PPP1R12B: variants seen among roughly 807,000 people sequenced by gnomAD.
The protein encoded by PPP1R12B is myosin phosphatase target subunit 2.
Under a neutral mutation model 126.1 loss-of-function variants are expected in PPP1R12B, and 76 were observed. The ratio of observed to expected loss-of-function variants is 0.60; its 90% CI spans 0.50 to 0.73. PPP1R12B has a LOEUF of 0.73. Among genes scored for constraint, PPP1R12B ranks in the 30% least tolerant of loss-of-function variants. PPP1R12B has a pLI of 0.00. For synonymous variants in PPP1R12B, 356 were observed against 434.7 expected (o/e 0.82, Z 2.25); for missense variants, 1,052 against 1,205.1 (o/e 0.87, Z 1.88).
At chr1:202,359,536 C>A (rs1250952312) in intron 1 of PPP1R12B, among the ~76,000 whole-genome samples, 2 of 151,704 alleles carry the variant, frequency 1.3e-5, no homozygotes, top group Non-Finnish European at 2.9e-5. Context: ...AATCCTAGCA[C>A]TGGGAGGCCA....
chr1:202,582,085 T>A lies in PPP1R12B; in HGVS notation c.*1525T>A. On this transcript the variant is annotated 3_prime_UTR_variant, in exon 24 of 24. Transcript: ENST00000608999. ...TTCCTCATATCAGCTGAAGTCTGCC[T>A]GTGGATTCTCCTTGTAGTCCAGATC... 1 of 152,350 alleles carries A rather than the reference T, an allele frequency of 6.6e-6. No individual in the cohort carries two copies. Among genetic ancestry groups the A allele is most frequent in the Middle Eastern group, 3.4e-3 (1 of 294 alleles). The allele number at this position is 152,350 out of a possible 1,614,324, so 9.4% of individuals were successfully genotyped here. A position where few individuals can be genotyped will look rare whatever the true frequency, so the allele number is the denominator to read the frequency against.
intron 13 of PPP1R12B, among the ~76,000 whole-genome samples, chr1:202,476,314 T>C (rs1676651490): frequency 1.3e-5 from 2 of 151,566 alleles, no homozygotes; most frequent in South Asian, 4.2e-4. Flanking sequence ...GTATTAGATA[T>C]ATACTATAAG....
chr1:202,488,537 T>C lies in PPP1R12B; in HGVS notation c.1855T>C (p.Tyr619His). 1.2e-6 allele frequency: 2 copies of C among 1,607,786 alleles called. No individual in the cohort carries two copies. Among genetic ancestry groups the C allele is most frequent in the Non-Finnish European group, 1.7e-6 (2 of 1,175,418 alleles). ...SVEAREKRRSYLTPVRDEEAE... is the reference protein window; with the variant it reads ...SVEAREKRRSHLTPVRDEEAE... The stretch of plus-strand genomic sequence containing the variant: ...ATTACTTTTTTTTCTCTGCAGGTCC[T>C]ATCTGACTCCTGTACGGGATGAGGA... Residue 619 changes from tyrosine to histidine, a missense_variant, in exon 14 of 24, where the codon TAT becomes CAT. By Grantham distance (83) the Tyr-to-His change is moderately conservative (BLOSUM62 2). Transcript: ENST00000608999.
intron 13 of PPP1R12B, among the ~76,000 whole-genome samples, chr1:202,456,841 A>G (rs1015695724): frequency 1.3e-5 from 2 of 152,218 alleles, no homozygotes; most frequent in African/African-American, 4.8e-5. Context: ...TTGAAGGAAC[A>G]CATCTGCAAT....
intron 1 of PPP1R12B, among the ~76,000 whole-genome samples, chr1:202,393,020 A>G (rs1054931792): frequency 1.3e-5 from 2 of 152,162 alleles, no homozygotes; most frequent in Non-Finnish European, 2.9e-5. Flanking sequence ...ATCTCAACTC[A>G]CTGCAACCTG....
intron 18 of PPP1R12B, among the ~76,000 whole-genome samples, chr1:202,497,387 T>C (rs1313844574): frequency 6.6e-6 from 1 of 152,168 alleles, no homozygotes. Context: ...TCAGACATGA[T>C]TGGTGGTGGT....
chr1:202,425,679 A>G lies in PPP1R12B; in HGVS notation c.655A>G (p.Thr219Ala). 6.2e-7 allele frequency: 1 copy of G among 1,613,962 alleles called. No homozygotes were observed. Among genetic ancestry groups the G allele is most frequent in the Non-Finnish European group, 8.5e-7 (1 of 1,179,852 alleles). ...TGTGAGGCAGGCTCGCTCAGGGGCT[A>G]CAGCCCTTCATGTGGCTGCTGCCAA... ...EDVRQARSGA[T>A]ALHVAAAKGY... Residue 219 changes from threonine (T) to alanine (A), a missense_variant, in exon 4 of 24, where the codon ACA (threonine) becomes GCA (alanine). Physicochemically the swap from Thr to Ala is moderately conservative, Grantham distance 58. Transcript: ENST00000608999.
At chr1:202,403,664 T>C (rs1666164594) in intron 1 of PPP1R12B, among the ~76,000 whole-genome samples, 2 of 152,248 alleles carry the variant, frequency 1.3e-5, no homozygotes, top group South Asian at 4.1e-4. Flanking sequence ...TTGGATTATT[T>C]AATATGGAAA....
intron 10 of PPP1R12B, chr1:202,438,525 G>T: frequency 4.9e-6 from 2 of 408,650 alleles, no homozygotes; most frequent in Non-Finnish European, 4.7e-6. Flanking sequence ...ACCTGAAAGA[G>T]CTGCCCCCGC....
At chr1:202,463,751 A>G (rs1012458542) in intron 13 of PPP1R12B, among the ~76,000 whole-genome samples, 1 of 152,192 alleles carries the variant, frequency 6.6e-6, no homozygotes, top group African/African-American at 2.4e-5. Flanking sequence ...CAATTTCTGG[A>G]CAGAATACAA....
chr1:202,453,451 CT>C (rs1673253512), intron 13 of PPP1R12B, among the ~76,000 whole-genome samples: 2 of 151,934 alleles, frequency 1.3e-5, no homozygotes, highest in South Asian at 4.1e-4. Context: ...TAATGTTGGC[CT>C]CATCAGATAA....
At chr1:202,491,406 T>A (rs1678869499) in intron 14 of PPP1R12B, among the ~76,000 whole-genome samples, 1 of 152,106 alleles carries the variant, frequency 6.6e-6, no homozygotes, top group Non-Finnish European at 1.5e-5. Context: ...ACCTTGGCCT[T>A]TCAAGGTGCT....
At chr1:202,481,664 T>A (rs186044604) in intron 13 of PPP1R12B, among the ~76,000 whole-genome samples, 153 of 152,362 alleles carry the variant, frequency 1.0e-3, no homozygotes, top group African/African-American at 3.4e-3. Flanking sequence ...CTGTGTTGTA[T>A]AATGATCTAA....
chr1:202,450,183 C>G (rs182120367), intron 13 of PPP1R12B, among the ~76,000 whole-genome samples: 217 of 152,112 alleles, frequency 1.4e-3, no homozygotes, highest in African/African-American at 5.0e-3. Context: ...AGAAATAGAA[C>G]TAGGATATAA....
intron 23 of PPP1R12B, among the ~76,000 whole-genome samples, chr1:202,580,020 A>T (rs901820670): frequency 6.6e-6 from 1 of 152,100 alleles, no homozygotes; most frequent in African/African-American, 2.4e-5. Flanking sequence ...TTTTGATGAG[A>T]TGTGAAGCAG....
At chr1:202,554,961 T>A (rs1686731438) in intron 18 of PPP1R12B, among the ~76,000 whole-genome samples, 1 of 151,992 alleles carries the variant, frequency 6.6e-6, no homozygotes, top group Non-Finnish European at 1.5e-5. Flanking sequence ...CATGCTCTCA[T>A]TTGTGGAAAA....
chr1:202,428,006 C>T (rs1195808648), intron 5 of PPP1R12B, among the ~76,000 whole-genome samples: 1 of 148,398 alleles, frequency 6.7e-6, no homozygotes, highest in Non-Finnish European at 1.5e-5. Context: ...GATGGGGGGT[C>T]TCACTGGTTT....
At chr1:202,573,025 T>C (rs1328762128) in intron 23 of PPP1R12B, among the ~76,000 whole-genome samples, 3 of 152,258 alleles carry the variant, frequency 2.0e-5, no homozygotes, top group Non-Finnish European at 4.4e-5. Context: ...TTCATGTCTT[T>C]AATGTTATTC....
chr1:202,552,941 G>A (rs965196256), intron 18 of PPP1R12B, among the ~76,000 whole-genome samples: 2 of 152,110 alleles, frequency 1.3e-5, no homozygotes, highest in African/African-American at 4.8e-5. Flanking sequence ...AAAAGTTTTT[G>A]TGGGGATTTT....
Sources: gnomAD v4.1 joint callset for allele counts (sites outside exome capture counted in the v4.1 genomes callset) on GRCh38, gnomAD v4.1.1 for gene constraint, MANE v1.5 for transcripts, NCBI Gene and HGNC (gene_info 2026-07-23, HGNC 2026-07-21) for gene names.